DCUN1D4: variants seen among roughly 807,000 people sequenced by gnomAD.
DCUN1D4 encodes the protein defective in cullin neddylation 1 domain containing 4.
In DCUN1D4, 22 loss-of-function variants were observed where a neutral mutation model predicts 47.9. The ratio of observed to expected loss-of-function variants is 0.46; its 90% CI spans 0.33 to 0.66. The LOEUF (loss-of-function observed/expected upper bound fraction) is 0.66, where lower values mean the gene tolerates loss of function less well. DCUN1D4 is among the 30% of genes least tolerant of loss of function. The probability of loss-of-function intolerance (pLI) is 0.02; values close to 1 mark genes in which losing one functional copy is unlikely to be tolerated. For missense variants in DCUN1D4, 301 were observed against 340.8 expected (o/e 0.88, Z 0.92); for synonymous variants, 121 against 112.2 (o/e 1.08, Z -0.50).
chr4:51,837,588 G>C, the DCUN1D4 span, among the ~76,000 whole-genome samples: 1 of 149,482 alleles, frequency 6.7e-6, no homozygotes, highest in Non-Finnish European at 1.5e-5. Context: ...CCGGAAGGCG[G>C]AGCTTGCAGT....
intron 1 of DCUN1D4, among the ~76,000 whole-genome samples, chr4:51,859,312 T>C (rs748373551): frequency 6.6e-6 from 1 of 152,156 alleles, no homozygotes; most frequent in Non-Finnish European, 1.5e-5. Context: ...ATTGTTGCTT[T>C]TTGTTGCCAT....
intron 8 of DCUN1D4, chr4:51,909,304 G>C (rs761096995): frequency 1.2e-5 from 3 of 248,966 alleles, no homozygotes; most frequent in Non-Finnish European, 2.4e-5. Context: ...AGTGTTGTCA[G>C]CCCAGTGCTG....
chr4:51,844,439 C>CG, intron 1 of DCUN1D4: 1 of 963,674 alleles, frequency 1.0e-6, no homozygotes, highest in Non-Finnish European at 1.2e-6. Context: ...GACTAGGAGG[C>CG]GGGGCAGGGG....
upstream of DCUN1D4, chr4:51,842,983 G>A (rs1460214086): frequency 1.7e-6 from 2 of 1,191,650 alleles, no homozygotes; most frequent in East Asian, 3.2e-5. Context: ...AAGGCCCCAG[G>A]ACCAATCGTA....
intron 5 of DCUN1D4, among the ~76,000 whole-genome samples, chr4:51,885,315 A>T (rs1729290478): frequency 6.6e-6 from 1 of 152,184 alleles, no homozygotes; most frequent in African/African-American, 2.4e-5. Context: ...GAGAGGCACA[A>T]TTAAGAAATA....
At chr4:51,841,915 G>A (rs921161442), upstream of DCUN1D4, among the ~76,000 whole-genome samples, 1 of 147,890 alleles carries the variant, frequency 6.8e-6, no homozygotes, top group Non-Finnish European at 1.5e-5. Flanking sequence ...TTAGGATATG[G>A]GGATGCCTTG....
chr4:51,916,354 T>G lies in DCUN1D4; in HGVS notation c.*2770T>G, dbSNP rs1252960343. ...TAAATCTGACTAGGCAAACCTAGAT[T>G]CTGGTTTCACAATGGATTTATTTTC... On this transcript the variant is annotated 3_prime_UTR_variant, in exon 11 of 11. Coordinates refer to ENST00000334635, the MANE Select transcript of DCUN1D4 (RefSeq NM_001040402.3). 6.6e-6 allele frequency: 1 copy of G among 152,570 alleles called. No individual in the cohort carries two copies. Among genetic ancestry groups the G allele is most frequent in the Non-Finnish European group, 1.5e-5 (1 of 68,004 alleles). The allele number at this position is 152,570 out of a possible 1,614,324, so 9.5% of individuals were successfully genotyped here. A position where few individuals can be genotyped will look rare whatever the true frequency, so the allele number is the denominator to read the frequency against.
intron 1 of DCUN1D4, among the ~76,000 whole-genome samples, chr4:51,849,327 A>T (rs908869001): frequency 6.6e-6 from 1 of 152,204 alleles, no homozygotes; most frequent in Non-Finnish European, 1.5e-5. Flanking sequence ...ATGATGATGC[A>T]GTCTGCTGTG....
intron 4 of DCUN1D4, chr4:51,874,648 T>C (rs1028639123): frequency 9.7e-6 from 3 of 310,398 alleles, no homozygotes; most frequent in Non-Finnish European, 1.8e-5. Flanking sequence ...GCAGAGTTGA[T>C]TTCTTTCCTT....
At chr4:51,844,220 G>T (rs932969742) in intron 1 of DCUN1D4, among the ~76,000 whole-genome samples, 5 of 151,032 alleles carry the variant, frequency 3.3e-5, no homozygotes, top group Non-Finnish European at 7.4e-5. Flanking sequence ...GGGCTAAGGG[G>T]GTGTCAGACT....
At chr4:51,844,624 G>C (rs1258506316) in intron 1 of DCUN1D4, among the ~76,000 whole-genome samples, 2 of 151,928 alleles carry the variant, frequency 1.3e-5, no homozygotes, top group African/African-American at 4.8e-5. Context: ...CATGGAACCC[G>C]CTTCCTTAGA....
chr4:51,892,467 TAGTG>T (rs1339108822), intron 7 of DCUN1D4, among the ~76,000 whole-genome samples: 2 of 152,214 alleles, frequency 1.3e-5, no homozygotes, highest in Non-Finnish European at 2.9e-5. Flanking sequence ...GGTTTATACT[TAGTG>T]AGAAAAAGTT....
At chr4:51,849,850 C>T (rs73246083) in intron 1 of DCUN1D4, among the ~76,000 whole-genome samples, 14 of 125,520 alleles carry the variant, frequency 1.1e-4, no homozygotes, top group Admixed American at 6.8e-4. Flanking sequence ...TGTGTGCGTG[C>T]GTGTGTGTGT....
intron 7 of DCUN1D4, among the ~76,000 whole-genome samples, chr4:51,893,466 C>T (rs1730763606): frequency 6.6e-6 from 1 of 151,658 alleles, no homozygotes; most frequent in Non-Finnish European, 1.5e-5. Context: ...CCCTCTGTCG[C>T]CCAGGCTGGA....
At chr4:51,910,545 C>A (rs1299718454) in intron 8 of DCUN1D4, among the ~76,000 whole-genome samples, 1 of 152,082 alleles carries the variant, frequency 6.6e-6, no homozygotes, top group Non-Finnish European at 1.5e-5. Context: ...TTCAGAGCCC[C>A]AGCATTTGGT....
intron 1 of DCUN1D4, among the ~76,000 whole-genome samples, chr4:51,855,367 C>T (rs980918083): frequency 1.3e-5 from 2 of 152,010 alleles, no homozygotes; most frequent in Non-Finnish European, 2.9e-5. Context: ...TGAGTGAATT[C>T]CATGCTATGT....
At chr4:51,905,944 AG>A (rs1163685342) in intron 8 of DCUN1D4, among the ~76,000 whole-genome samples, 1 of 152,220 alleles carries the variant, frequency 6.6e-6, no homozygotes, top group African/African-American at 2.4e-5. Context: ...AGACAGAATC[AG>A]GAAGGAAACA....
chr4:51,874,150 A>G (rs1727315886), intron 3 of DCUN1D4, 121 bp from the exon 4 acceptor site: 1 of 509,002 alleles, frequency 2.0e-6, no homozygotes, highest in African/African-American at 2.0e-5. Context: ...CTTTTCTTTA[A>G]CATCTAAATT....
At position 51,854,558 on chromosome 4, in the gene DCUN1D4, A is replaced by T. The variant is rs541696121; in HGVS notation, c.26-8879A>T. Among the ~76,000 whole-genome samples the T allele has an allele frequency of 2.0e-3, 308 of 152,270 alleles. 1 individual carries two copies. Among genetic ancestry groups the T allele is most frequent in the African/African-American group, 7.1e-3 (293 of 41,544 alleles). On this transcript the variant is annotated intron_variant, in intron 1 of 10. Coordinates refer to ENST00000334635, the MANE Select transcript of DCUN1D4 (RefSeq NM_001040402.3). Reference sequence around the variant, plus strand: ...GTAAAACCCAAACTCCTTCAAACCCACATGCATTTCTAGTCTCCCCTTTAA... The same window carrying T: ...GTAAAACCCAAACTCCTTCAAACCCTCATGCATTTCTAGTCTCCCCTTTAA...
Sources: gnomAD v4.1 joint callset for allele counts (sites outside exome capture counted in the v4.1 genomes callset) on GRCh38, gnomAD v4.1.1 for gene constraint, MANE v1.5 for transcripts, NCBI Gene and HGNC (gene_info 2026-07-23, HGNC 2026-07-21) for gene names.